CHD7: variants seen among roughly 807,000 people sequenced by gnomAD.
CHD7 encodes the protein ATP-dependent chromatin remodeler CHD7.
A neutral mutation model predicts 307.3 loss-of-function variants in CHD7; 24 were observed. That is an observed-to-expected ratio of 0.08 (90% CI 0.06 to 0.11). The LOEUF (loss-of-function observed/expected upper bound fraction) is 0.11. CHD7 is among the 10% of genes least tolerant of loss of function. The pLI is 1.00. For missense variants in CHD7, 3,106 were observed against 3,727.1 expected, an observed-to-expected ratio of 0.83 and a Z score of 4.34; for synonymous variants, 1,363 against 1,349.9, an observed-to-expected ratio of 1.01 and a Z score of -0.21.
chr8:60,807,274 A>G (rs546800624), intron 6 of CHD7, among the ~76,000 whole-genome samples: 2 of 152,316 alleles, frequency 1.3e-5, no homozygotes, highest in African/African-American at 2.4e-5. Flanking sequence ...ATGACCCTCA[A>G]GGCAGGCTTG....
intron 2 of CHD7, among the ~76,000 whole-genome samples, chr8:60,750,291 T>TA (rs1809570789): frequency 6.6e-6 from 1 of 152,220 alleles, no homozygotes; most frequent in Non-Finnish European, 1.5e-5. Flanking sequence ...TGAAAGGCAG[T>TA]ACCACATGAA....
At chr8:60,790,039 A>G (rs935191564) in intron 3 of CHD7, among the ~76,000 whole-genome samples, 3 of 152,198 alleles carry the variant, frequency 2.0e-5, no homozygotes, top group Non-Finnish European at 4.4e-5. Flanking sequence ...GTGTAACCCA[A>G]TTCTCATCAT....
chr8:60,795,722 A>T lies in CHD7; in HGVS notation c.2238+595A>T, dbSNP rs555570156. On this transcript the variant is annotated intron_variant, in intron 4 of 37. Coordinates refer to ENST00000423902, the MANE Select transcript of CHD7 (RefSeq NM_017780.4). ...GAGTTGAAATGCTAACCCTGAAGTA[A>T]ACGTGAGGAATGTAGGTTCTTGTGT... Among the ~76,000 whole-genome samples, 5 of 152,324 alleles carry T rather than the reference A, an allele frequency of 3.3e-5. No homozygotes were observed. The East Asian group carries it at 9.6e-4, about 29-fold the overall frequency.
chr8:60,841,411 T>C (rs1804967682), intron 19 of CHD7, among the ~76,000 whole-genome samples: 1 of 152,246 alleles, frequency 6.6e-6, no homozygotes. Flanking sequence ...TGCACTGGTC[T>C]ATACACTTGC....
intron 2 of CHD7, among the ~76,000 whole-genome samples, chr8:60,744,544 TA>T (rs1205821945): frequency 8.2e-6 from 1 of 122,248 alleles, no homozygotes; most frequent in Non-Finnish European, 1.7e-5. Context: ...GTCAGTTCAT[TA>T]AAAAAAAGAA....
At chr8:60,816,228 T>G (rs1803740841) in intron 7 of CHD7, among the ~76,000 whole-genome samples, 159 bp from the exon 8 acceptor site, 1 of 152,150 alleles carries the variant, frequency 6.6e-6, no homozygotes, top group African/African-American at 2.4e-5. Flanking sequence ...TCTCTTCTTA[T>G]TCTAAACAGT....
At chr8:60,828,512 GTTCTAATACC>G (rs1804356916) in intron 13 of CHD7, 141 bp from the exon 14 acceptor site, 7 of 674,142 alleles carry the variant, frequency 1.0e-5, no homozygotes, top group Non-Finnish European at 1.7e-5. Flanking sequence ...CAGAAATCGT[GTTCTAATACC>G]TCTGTTTTCA....
chr8:60,732,018 C>T (rs1046272148), intron 1 of CHD7, among the ~76,000 whole-genome samples: 2 of 152,264 alleles, frequency 1.3e-5, no homozygotes, highest in Admixed American at 1.3e-4. Context: ...ATAAGACTCC[C>T]TTCCTATCAC....
At chr8:60,812,329 ATTTAATTCTT>A in intron 7 of CHD7, among the ~76,000 whole-genome samples, 1 of 152,220 alleles carries the variant, frequency 6.6e-6, no homozygotes, top group African/African-American at 2.4e-5. Context: ...CATGGCTCTA[ATTTAATTCTT>A]TTTCAATTGT....
At chr8:60,839,534 C>T (rs1036728830) in intron 19 of CHD7, among the ~76,000 whole-genome samples, 6 of 152,092 alleles carry the variant, frequency 3.9e-5, no homozygotes, top group Non-Finnish European at 5.9e-5. Flanking sequence ...GTACTAGTTT[C>T]CTTCCAAGTC....
rs143580627 is a variant in CHD7, at chr8:60,821,945, G to A, written c.2835+18G>A. ...AGCGTGTGGTAAGAATTGGCTGATG[G>A]TAGAGAATTTAATTTGAAAATAGCA... On this transcript the variant is annotated intron_variant, in intron 10 of 37. Coordinates refer to ENST00000423902, the MANE Select transcript of CHD7 (RefSeq NM_017780.4). The A allele has an allele frequency of 4.3e-6, 7 of 1,613,212 alleles. No homozygotes were observed. Among genetic ancestry groups the A allele is most frequent in the African/African-American group, 2.7e-5 (2 of 74,990 alleles).
chr8:60,724,302 T>A (rs913245526), intron 1 of CHD7, among the ~76,000 whole-genome samples: 5 of 152,186 alleles, frequency 3.3e-5, no homozygotes, highest in Admixed American at 6.5e-5. Flanking sequence ...GTAACAGCAT[T>A]TGAGTATTGT....
intron 1 of CHD7, among the ~76,000 whole-genome samples, chr8:60,714,143 G>T (rs1184610016): frequency 6.6e-6 from 1 of 151,894 alleles, no homozygotes; most frequent in Non-Finnish European, 1.5e-5. Flanking sequence ...AGCGCCCGGA[G>T]CCCGCGCGAG....
intron 1 of CHD7, among the ~76,000 whole-genome samples, chr8:60,720,741 C>A (rs553341555): frequency 1.3e-5 from 2 of 152,322 alleles, no homozygotes; most frequent in South Asian, 4.1e-4. Context: ...GGCTCCTTGG[C>A]AGGCTACTTA....
intron 1 of CHD7, 113 bp downstream of exon 1, chr8:60,679,195 G>A (rs1360709165): frequency 6.6e-6 from 1 of 151,464 alleles, no homozygotes; most frequent in Non-Finnish European, 1.5e-5. Context: ...GCGAGGAGTT[G>A]GGCGTGTGCG....
chr8:60,841,570 A>G (rs1219844395), intron 19 of CHD7, 74 bp from the exon 20 acceptor site: 10 of 1,163,994 alleles, frequency 8.6e-6, no homozygotes, highest in South Asian at 3.8e-5. Context: ...GAGCAAATAC[A>G]TAAACAAAAG....
chr8:60,760,647 GA>G (rs1475745625), intron 2 of CHD7, among the ~76,000 whole-genome samples: 1 of 150,372 alleles, frequency 6.7e-6, no homozygotes. Context: ...AAATTTACAA[GA>G]AAAAAACAAA....
At chr8:60,751,370 G>A (rs1265304831) in intron 2 of CHD7, among the ~76,000 whole-genome samples, 2 of 151,994 alleles carry the variant, frequency 1.3e-5, no homozygotes, top group African/African-American at 2.4e-5. Context: ...CTTTCAGAAC[G>A]GCAGTCTCTG....
Position 60,822,144 on chromosome 8 carries a change from A to T in CHD7, c.2956A>T (p.Met986Leu). The T allele has an allele frequency of 1.2e-6, 2 of 1,607,038 alleles. No homozygotes were observed. The highest frequency in any genetic ancestry group is 1.7e-6 in the Non-Finnish European group (2 of 1,177,072). ...CTGGCTACTTTTCAATTGGTACAAC[A>T]TGTATGTAAAACAAGTTTTTCTTCA... Reference protein sequence around the residue: ...VNWLLFNWYNMRNCILADEMG... With the variant: ...VNWLLFNWYNLRNCILADEMG... Residue 986 changes from methionine (M) to leucine (L), a missense_variant and splice_region_variant, in exon 11 of 38, where the codon ATG (methionine) becomes TTG (leucine). This residue lies in a region of CHD7 where 188 missense variants were observed against 261.7 expected (regional missense o/e 0.72). Transcript: ENST00000423902.
Sources: allele counts gnomAD v4.1 joint callset (sites outside exome capture counted in the v4.1 genomes callset), GRCh38; gene constraint gnomAD v4.1.1; regional missense constraint gnomAD v4.1.1; transcripts MANE v1.5; gene names NCBI Gene and HGNC (gene_info 2026-07-23, HGNC 2026-07-21).